Variants in NAV2 observed in about 807,000 individuals in gnomAD.
NAV2 encodes helicase, APC down-regulated 1.
A neutral mutation model predicts 223.2 loss-of-function variants in NAV2; 54 were observed. That is an observed-to-expected ratio of 0.24 (90% confidence interval 0.19 to 0.30). NAV2 has a LOEUF of 0.30. NAV2 is among the 10% of genes least tolerant of loss of function. The pLI is 1.00. For missense variants in NAV2, 2,806 were observed against 3,147.5 expected, an observed-to-expected ratio of 0.89 and a Z score of 2.60; for synonymous variants, 1,279 against 1,239.3, an observed-to-expected ratio of 1.03 and a Z score of -0.67.
intron 19 of NAV2, among the ~76,000 whole-genome samples, chr11:20,056,363 T>TG (rs1788722231): frequency 6.6e-6 from 1 of 152,232 alleles, no homozygotes; most frequent in South Asian, 2.1e-4. Flanking sequence ...CCTGTAGCTC[T>TG]GGGGGCCGGG....
chr11:19,592,387 C>T (rs1380658462), intron 1 of NAV2, among the ~76,000 whole-genome samples: 1 of 152,142 alleles, frequency 6.6e-6, no homozygotes, highest in East Asian at 1.9e-4. Flanking sequence ...GCCACCTCTT[C>T]TAGGAAGCCT....
intron 10 of NAV2, among the ~76,000 whole-genome samples, chr11:19,951,810 T>C (rs6483625): frequency 0.91 from 138,107 of 152,292 alleles, 62,722 homozygotes; most frequent in East Asian, 0.98. Flanking sequence ...CTTTGCCAAG[T>C]TTACGTTTTA....
intron 1 of NAV2, among the ~76,000 whole-genome samples, chr11:19,700,644 G>A (rs1028353378): frequency 1.3e-5 from 2 of 152,126 alleles, no homozygotes; most frequent in African/African-American, 4.8e-5. Context: ...ACCTCCACCC[G>A]AAGCACACTG....
chr11:19,553,505 C>T (rs2044757304), intron 1 of NAV2, among the ~76,000 whole-genome samples: 1 of 115,002 alleles, frequency 8.7e-6, no homozygotes, highest in African/African-American at 5.6e-5. Flanking sequence ...TACAGTAATG[C>T]AGACCACACA....
At position 19,964,253 on chromosome 11, in the gene NAV2, G is replaced by A. The variant is rs573310923; in HGVS notation, c.2645+15173G>A. 1.9e-4 allele frequency among the ~76,000 whole-genome samples: 29 copies of A among 152,230 alleles called. 1 individual carries two copies. The South Asian group carries it at 4.4e-3, about 23-fold the overall frequency. ...AGCTATTTTAGAAGCTGACACGGAC[G>A]TTACAGTTGACTAAACCATGCACCA... On this transcript the variant is annotated intron_variant, in intron 10 of 37. Transcript: ENST00000349880.
intron 10 of NAV2, among the ~76,000 whole-genome samples, chr11:19,956,664 G>A (rs2707088): frequency 0.91 from 138,158 of 152,212 alleles, 62,799 homozygotes; most frequent in East Asian, 0.98. Context: ...GAGCTTCCAT[G>A]CCCTCTCCAT....
chr11:19,478,006 G>A (rs1427895411), intron 1 of NAV2, among the ~76,000 whole-genome samples: 1 of 152,170 alleles, frequency 6.6e-6, no homozygotes, highest in Non-Finnish European at 1.5e-5. Flanking sequence ...AATTCAGCAG[G>A]TATTGCTATA....
chr11:19,577,279 C>T (rs2045596655), intron 1 of NAV2, among the ~76,000 whole-genome samples: 1 of 152,264 alleles, frequency 6.6e-6, no homozygotes, highest in Admixed American at 6.5e-5. Flanking sequence ...CCTCCATCAG[C>T]GTTCTATTTG....
chr11:19,933,574 G>A lies in NAV2; in HGVS notation c.1330G>A (p.Ala444Thr). The change falls in exon 7 of 38, where the codon GCC becomes ACC. Residue 444 changes from alanine (A) to threonine (T), a missense_variant. Transcript: ENST00000349880. This position sits in a 1 kb window ranked among gnomAD's most constrained non-coding sequence, Gnocchi z 4.3. ...PSFEESEELE[A>T]ASRMLTTVGP... ...CTTCGAAGAGAGCGAGGAGCTGGAGGCCGCCAGTCGCATGCTCACCACCGT... is the reference window on the plus strand; with the variant it reads ...CTTCGAAGAGAGCGAGGAGCTGGAGACCGCCAGTCGCATGCTCACCACCGT... The A allele has an allele frequency of 6.2e-7, 1 of 1,610,840 alleles. No individual in the cohort carries two copies. The highest frequency in any genetic ancestry group is 1.1e-5 in the South Asian group (1 of 90,944).
rs187418966 is a variant in NAV2 at position 19,906,234 on chromosome 11, C to G, written c.931+13640C>G. ...CTATTCTTCTGGTGGTAGGTGAGTT[C>G]GAAGGCAGAGAGTTGAAATGTACAA... On this transcript the variant is annotated intron_variant, in intron 6 of 37. Coordinates refer to ENST00000349880, the MANE Select transcript of NAV2 (RefSeq NM_145117.5). Among the ~76,000 whole-genome samples the G allele has an allele frequency of 5.8e-3, 878 of 152,206 alleles. 2 individuals are homozygous for G. Among genetic ancestry groups the G allele is most frequent in the Non-Finnish European group, 8.0e-3 (545 of 68,020 alleles).
At chr11:19,953,532 C>G (rs571933337) in intron 10 of NAV2, among the ~76,000 whole-genome samples, 1 of 152,224 alleles carries the variant, frequency 6.6e-6, no homozygotes, top group African/African-American at 2.4e-5. Context: ...CCCCTCATGC[C>G]CATCTGACTA....
At chr11:19,497,534 C>T (rs372527534) in intron 1 of NAV2, among the ~76,000 whole-genome samples, 52 of 152,250 alleles carry the variant, frequency 3.4e-4, no homozygotes, top group African/African-American at 1.2e-3. Flanking sequence ...TTCATGGCCT[C>T]GCATTACCCA....
At chr11:20,117,697 G>A (rs113235074) in intron 37 of NAV2, among the ~76,000 whole-genome samples, 4,154 of 152,266 alleles carry the variant, frequency 0.027, 87 homozygotes, top group African/African-American at 0.052. Context: ...TGATGCTGAT[G>A]CCAAGTTCCA....
At chr11:19,623,809 G>A (rs2047082337) in intron 1 of NAV2, among the ~76,000 whole-genome samples, 1 of 152,182 alleles carries the variant, frequency 6.6e-6, no homozygotes, top group Admixed American at 6.5e-5. Flanking sequence ...TGCTGGTGAG[G>A]AGCTGTGTTA....
intron 1 of NAV2, among the ~76,000 whole-genome samples, chr11:19,699,285 A>G (rs2049439830): frequency 6.6e-6 from 1 of 152,188 alleles, no homozygotes; most frequent in African/African-American, 2.4e-5. Context: ...TTCGTCTGTA[A>G]AAGAGGGGAA....
In NAV2 at chr11:19,919,303, C is replaced by T. The variant is rs565585817; in HGVS notation, c.932-13873C>T. 2.6e-5 allele frequency among the ~76,000 whole-genome samples: 4 copies of T among 151,154 alleles called. No homozygotes were observed. The South Asian group carries it at 8.5e-4, about 32-fold the overall frequency. ...TTCCGTGTTCTATCTCGTAGCCATGCACGTGGGTGAGAAGCTCCTTGAGTC... is the reference window on the plus strand; with the variant it reads ...TTCCGTGTTCTATCTCGTAGCCATGTACGTGGGTGAGAAGCTCCTTGAGTC... On this transcript the variant is annotated intron_variant, in intron 6 of 37. Transcript: ENST00000349880.
At chr11:19,394,822 A>G (rs1849386785) in intron 1 of NAV2, among the ~76,000 whole-genome samples, 2 of 152,130 alleles carry the variant, frequency 1.3e-5, no homozygotes, top group Non-Finnish European at 1.5e-5. Context: ...GCGGGGATTG[A>G]GGCCTCATCA....
chr11:19,737,432 A>C (rs1230508863), intron 1 of NAV2, among the ~76,000 whole-genome samples: 1 of 152,182 alleles, frequency 6.6e-6, no homozygotes, highest in Non-Finnish European at 1.5e-5. Context: ...TTATAATTAC[A>C]TCATGGCAGG....
chr11:19,705,655 A>C (rs1022900900), intron 1 of NAV2, among the ~76,000 whole-genome samples: 8 of 152,114 alleles, frequency 5.3e-5, no homozygotes, highest in African/African-American at 1.9e-4. Flanking sequence ...GTGCCAAAAC[A>C]ACCCCAAATT....
Sources: gnomAD v4.1 joint callset for allele counts (sites outside exome capture counted in the v4.1 genomes callset) on GRCh38, gnomAD v4.1.1 for gene constraint, Gnocchi (gnomAD v3.1) non-coding constraint, MANE v1.5 for transcripts, NCBI Gene and HGNC (gene_info 2026-07-23, HGNC 2026-07-21) for gene names.